The following CXADR variants were observed in gnomAD, a reference collection of about 807,000 sequenced individuals.
CXADR encodes CXADR cell adhesion molecule, also known as coxsackievirus and adenovirus receptor.
In CXADR, 20 loss-of-function variants were observed where a neutral mutation model predicts 40.3. That is an observed-to-expected ratio of 0.50 (90% CI 0.35 to 0.72). The LOEUF is 0.72. Among genes scored for constraint, CXADR ranks in the 30% least tolerant of loss-of-function variants. CXADR has a pLI of 0.01. For missense variants in CXADR, 332 were observed against 449.1 expected (o/e 0.74, Z 2.36); for synonymous variants, 150 against 161.3 (o/e 0.93, Z 0.53).
downstream of CXADR, among the ~76,000 whole-genome samples, chr21:17,574,125 A>G (rs2061301167): frequency 6.6e-6 from 1 of 152,202 alleles, no homozygotes; most frequent in Non-Finnish European, 1.5e-5. Context: ...CAGAAAGGTG[A>G]TGCACAAAGT....
At chr21:17,513,974 G>T (rs188695231) in intron 1 of CXADR, among the ~76,000 whole-genome samples, 5 of 152,236 alleles carry the variant, frequency 3.3e-5, no homozygotes, top group Admixed American at 1.3e-4. Context: ...TGCGTTTGTC[G>T]ACTGCTCCTT....
chr21:17,589,227 A>C (rs1156524840), intron 7 of CXADR, among the ~76,000 whole-genome samples: 1 of 152,044 alleles, frequency 6.6e-6, no homozygotes, highest in Non-Finnish European at 1.5e-5. Context: ...ATTTCAGAAT[A>C]TTTCCTTGTA....
At position 17,533,074 on chromosome 21, in the gene CXADR, GT is replaced by G. The variant is rs564324182; in HGVS notation, c.44-13951del. 5.7e-3 allele frequency among the ~76,000 whole-genome samples: 861 copies of G among 152,268 alleles called. 9 individuals are homozygous for G. Among genetic ancestry groups the G allele is most frequent in the African/African-American group, 0.02 (826 of 41,556 alleles). On this transcript the variant is annotated intron_variant, in intron 1 of 6. Transcript: ENST00000284878. Reference sequence around the variant, plus strand: ...GATTGTCAGGGAAGGCTTCTTGTTGGTTGATTGATCAATGGGCTAGAATTAG... The same window carrying G: ...GATTGTCAGGGAAGGCTTCTTGTTGGTGATTGATCAATGGGCTAGAATTAG...
At chr21:17,538,208 C>T (rs2123206224) in intron 1 of CXADR, among the ~76,000 whole-genome samples, 1 of 170 alleles carries the variant, frequency 5.9e-3, no homozygotes, top group African/African-American at 0.033. Context: ...ACCGTGTTAG[C>T]CAGGATGGTC....
intron 7 of CXADR, among the ~76,000 whole-genome samples, chr21:17,587,691 G>A (rs1275019649): frequency 1.3e-5 from 2 of 152,150 alleles, no homozygotes; most frequent in Admixed American, 6.5e-5. Context: ...TAGGTTGCCT[G>A]TTCACTCTGA....
intron 1 of CXADR, among the ~76,000 whole-genome samples, chr21:17,541,338 G>A (rs1204324976): frequency 1.3e-5 from 2 of 152,028 alleles, no homozygotes; most frequent in African/African-American, 2.4e-5. Context: ...GGATCACGAG[G>A]TCAGGAGATC....
chr21:17,587,269 G>A (rs1356233793), intron 7 of CXADR, among the ~76,000 whole-genome samples: 3 of 152,086 alleles, frequency 2.0e-5, no homozygotes, highest in Admixed American at 2.0e-4. Context: ...TGGGATGGCT[G>A]GGTCAAATGG....
chr21:17,633,659 C>T, the CXADR span, among the ~76,000 whole-genome samples: 1 of 152,198 alleles, frequency 6.6e-6, no homozygotes, highest in Non-Finnish European at 1.5e-5. Flanking sequence ...ATTAGACAGC[C>T]TTTGTTCACA....
chr21:17,516,814 A>C (rs1428164410), intron 1 of CXADR, among the ~76,000 whole-genome samples: 1 of 115,370 alleles, frequency 8.7e-6, no homozygotes, highest in Admixed American at 1.0e-4. Context: ...AGTGGATTTT[A>C]AGTGTTCTCA....
At chr21:17,621,429 A>G in the CXADR span, among the ~76,000 whole-genome samples, 2 of 152,228 alleles carry the variant, frequency 1.3e-5, no homozygotes, top group Non-Finnish European at 2.9e-5. Context: ...TATTTGTGCT[A>G]GAGCATTGGG....
rs747932277 is a variant in CXADR at position 17,566,576 on chromosome 21, T to A, written c.*884T>A. 6.4e-5 allele frequency: 63 copies of A among 981,572 alleles called. No homozygotes were observed. The highest frequency in any genetic ancestry group is 7.6e-5 in the Non-Finnish European group (63 of 826,446). 60.8% of individuals were successfully genotyped at this position (981,572 alleles called of 1,614,324 possible). A position where few individuals can be genotyped will look rare whatever the true frequency, so the allele number is the denominator to read the frequency against. ...GATATTTTTCTTATTAGAAAAATAT[T>A]ATAACTCATTTGTTGTTTGACACTT... is the stretch of plus-strand genomic sequence containing the variant. On this transcript the variant is annotated 3_prime_UTR_variant, in exon 7 of 7. Transcript: ENST00000284878.
At chr21:17,628,562 G>A in the CXADR span, among the ~76,000 whole-genome samples, 8 of 151,968 alleles carry the variant, frequency 5.3e-5, no homozygotes, top group Admixed American at 2.6e-4. Context: ...ATGCAGTGGC[G>A]TGATCTCGGC....
chr21:17,578,689 C>A (rs527397480), intron 7 of CXADR, among the ~76,000 whole-genome samples: 1 of 152,096 alleles, frequency 6.6e-6, no homozygotes, highest in South Asian at 2.1e-4. Flanking sequence ...ATTAGCCGGG[C>A]ATGGTGGCAC....
Position 17,547,174 on chromosome 21 carries a change from A to G in CXADR, c.191A>G (p.Asn64Ser). 1 of 1,614,192 alleles carries G rather than the reference A, an allele frequency of 6.2e-7. No individual in the cohort carries two copies. The highest frequency in any genetic ancestry group is 8.5e-7 in the Non-Finnish European group (1 of 1,180,038). Residue 64 changes from asparagine to serine, a missense_variant, in exon 2 of 7, where the codon AAT (asparagine) becomes AGT (serine). By Grantham distance (46) the Asn-to-Ser change is conservative (BLOSUM62 1). Around this residue, in one of 3 missense-constraint regions of CXADR, gnomAD observed 162 missense variants for 198.5 expected, o/e 0.82. Transcript: ENST00000284878. ...DIEWLISPADNQKVDQVIILY... is the reference protein window; with the variant it reads ...DIEWLISPADSQKVDQVIILY... ...GAGTGGCTGATATCACCAGCTGATA[A>G]TCAGAAGGTGGATCAAGTGGTAAGT...
At chr21:17,530,329 A>C (rs1441824790) in intron 1 of CXADR, 1 of 438,652 alleles carries the variant, frequency 2.3e-6, no homozygotes, top group Admixed American at 2.6e-5. Context: ...AACATTTTAT[A>C]TAAATAGAAT....
At chr21:17,541,277 G>A (rs915653766) in intron 1 of CXADR, among the ~76,000 whole-genome samples, 16 of 152,138 alleles carry the variant, frequency 1.1e-4, no homozygotes, top group African/African-American at 3.6e-4. Flanking sequence ...TTCCGGCTGG[G>A]CGCGGTGGCT....
At chr21:17,574,158 C>T (rs1172061287), downstream of CXADR, among the ~76,000 whole-genome samples, 1 of 152,200 alleles carries the variant, frequency 6.6e-6, no homozygotes, top group Non-Finnish European at 1.5e-5. Flanking sequence ...CTAACCCTCT[C>T]ACCCGTATTT....
chr21:17,565,282 GACACAC>G (rs6147430), intron 6 of CXADR, 140 bp from the exon 7 acceptor site: 10,201 of 800,004 alleles, frequency 0.013, 63 homozygotes, highest in East Asian at 0.079. Context: ...GCTTTTTTGT[GACACAC>G]ACACACACAC....
intron 1 of CXADR, among the ~76,000 whole-genome samples, chr21:17,531,610 G>C (rs1225532325): frequency 4.6e-5 from 7 of 152,170 alleles, no homozygotes; most frequent in African/African-American, 1.7e-4. Context: ...ACTTGGACCA[G>C]TCTCTAAAAT....
Sources: gnomAD v4.1 joint callset for allele counts (sites outside exome capture counted in the v4.1 genomes callset) on GRCh38, gnomAD v4.1.1 for gene constraint, gnomAD v4.1.1 regional missense constraint, MANE v1.5 for transcripts, NCBI Gene and HGNC (gene_info 2026-07-23, HGNC 2026-07-21) for gene names.